TTC7B: variants seen among roughly 807,000 people sequenced by gnomAD.
TTC7B encodes the protein tetratricopeptide repeat domain 7B, also known as tetratricopeptide repeat protein 7B.
TTC7B carries 28 observed loss-of-function variants against 106.8 expected under a neutral mutation model. The ratio of observed to expected loss-of-function variants is 0.26; its 90% CI spans 0.19 to 0.36. The LOEUF is 0.36. TTC7B is among the 10% of genes least tolerant of loss of function. The probability of loss-of-function intolerance (pLI) is 1.00; values close to 1 mark genes in which losing one functional copy is unlikely to be tolerated. For missense variants in TTC7B, 862 were observed against 1,076.4 expected, an observed-to-expected ratio of 0.80 and a Z score of 2.79; for synonymous variants, 405 against 430.6, an observed-to-expected ratio of 0.94 and a Z score of 0.74.
At chr14:90,726,843 CT>C (rs1353134839) in intron 5 of TTC7B, among the ~76,000 whole-genome samples, 1 of 152,168 alleles carries the variant, frequency 6.6e-6, no homozygotes, top group Non-Finnish European at 1.5e-5. Context: ...CCTTAACAGG[CT>C]TGTTGCTGCC....
chr14:90,549,480 C>T (rs1889982514), intron 19 of TTC7B, among the ~76,000 whole-genome samples: 1 of 152,252 alleles, frequency 6.6e-6, no homozygotes, highest in Admixed American at 6.5e-5. Context: ...TGCTGCTGAG[C>T]TGGCTGTGGC....
intron 1 of TTC7B, among the ~76,000 whole-genome samples, chr14:90,799,021 C>T (rs12888742): frequency 0.51 from 78,066 of 151,970 alleles, 22,361 homozygotes; most frequent in Admixed American, 0.64. Flanking sequence ...GAGGGGTTCC[C>T]GTGGCTCAGT....
At chr14:90,648,324 A>C (rs968924297) in intron 13 of TTC7B, 1 of 151,924 alleles carries the variant, frequency 6.6e-6, no homozygotes, top group Non-Finnish European at 1.5e-5. Context: ...TGCCTGTGTT[A>C]CCCTTTTACA....
In TTC7B at chr14:90,541,603, A is replaced by T. The variant is rs771636606; in HGVS notation, c.2311-14T>A. 3 of 1,518,772 alleles carry T rather than the reference A, an allele frequency of 2.0e-6. No homozygotes were observed. Among genetic ancestry groups the T allele is most frequent in the Non-Finnish European group, 2.7e-6 (3 of 1,121,320 alleles). The allele number at this position is 1,518,772 out of a possible 1,614,324, so 94.1% of individuals were successfully genotyped here. On this transcript the variant is annotated splice_polypyrimidine_tract_variant and intron_variant, in intron 19 of 19. Transcript: ENST00000328459. ...AAGGATCAGGGCCTGGAGAGGTCAG[A>T]GAGAGAGAGAGACAGTCAGCCATGG...
At chr14:90,640,851 T>G (rs1164220023) in intron 15 of TTC7B, among the ~76,000 whole-genome samples, 1 of 152,224 alleles carries the variant, frequency 6.6e-6, no homozygotes, top group Non-Finnish European at 1.5e-5. Flanking sequence ...TTTAGTGACT[T>G]GCTCAAGGTC....
chr14:90,608,840 G>A lies in TTC7B; in HGVS notation c.1966+1902C>T, dbSNP rs1285331766. Among the ~76,000 whole-genome samples the A allele has an allele frequency of 6.6e-6, 1 of 152,150 alleles. No individual in the cohort carries two copies. Among genetic ancestry groups the A allele is most frequent in the Non-Finnish European group, 1.5e-5 (1 of 68,028 alleles). On this transcript the variant is annotated intron_variant, in intron 17 of 19. Transcript: ENST00000328459. This position sits in a 1 kb window ranked among gnomAD's most constrained non-coding sequence, Gnocchi z 5.1. ...AATGTGATGTGGCTTTAAAGTCTTGGGACCTCCAGGGAAATTAAGGTCCAG... is the reference window on the plus strand; with the variant it reads ...AATGTGATGTGGCTTTAAAGTCTTGAGACCTCCAGGGAAATTAAGGTCCAG...
chr14:90,541,224 G>T lies in TTC7B; in HGVS notation c.*144C>A. ...TGGCGAGAGCGATGATTCGGGGTTG[G>T]TTTGGTTGGTTCACTGTGGCCCACT... On this transcript the variant is annotated 3_prime_UTR_variant, in exon 20 of 20. Transcript: ENST00000328459. The T allele has an allele frequency of 1.5e-6, 1 of 677,878 alleles. No individual in the cohort carries two copies. The highest frequency in any genetic ancestry group is 2.3e-6 in the Non-Finnish European group (1 of 430,676). The allele number at this position is 677,878 out of a possible 1,614,324, so 42.0% of individuals were successfully genotyped here.
Position 90,813,194 on chromosome 14 carries a change from G to C in TTC7B, c.121+2981C>G, listed in dbSNP as rs375995504. Among the ~76,000 whole-genome samples the C allele has an allele frequency of 8.5e-5, 13 of 152,248 alleles. No individual in the cohort carries two copies. In the South Asian group the frequency reaches 2.7e-3, roughly 32 times the overall value. On this transcript the variant is annotated intron_variant, in intron 1 of 19. Transcript: ENST00000328459. ...TTTCAGGGCCACCCTATTTAAACTAGTAGTTCCTGCAACCCCCACTCCCAG... is the reference window on the plus strand; with the variant it reads ...TTTCAGGGCCACCCTATTTAAACTACTAGTTCCTGCAACCCCCACTCCCAG...
chr14:90,565,400 T>TTTTA (rs1890749408), intron 19 of TTC7B, among the ~76,000 whole-genome samples: 3 of 47,656 alleles, frequency 6.3e-5, no homozygotes, highest in Non-Finnish European at 1.7e-4. Context: ...CCTTTCTAGC[T>TTTTA]TTTTTTTTTT....
chr14:90,589,666 A>G (rs1321818095), intron 18 of TTC7B, among the ~76,000 whole-genome samples: 1 of 152,222 alleles, frequency 6.6e-6, no homozygotes, highest in Non-Finnish European at 1.5e-5. Context: ...ATGGCAAAAT[A>G]CTAGAGTGGG....
At chr14:90,676,848 G>A (rs569832592) in intron 8 of TTC7B, among the ~76,000 whole-genome samples, 188 bp from the exon 9 acceptor site, 102 of 152,190 alleles carry the variant, frequency 6.7e-4, no homozygotes, top group African/African-American at 2.2e-3. Context: ...CATGATATAC[G>A]GGATGATCCA....
chr14:90,541,771 A>G (rs1185701625), intron 19 of TTC7B, among the ~76,000 whole-genome samples, 182 bp from the exon 20 acceptor site: 1 of 152,248 alleles, frequency 6.6e-6, no homozygotes, highest in Non-Finnish European at 1.5e-5. Flanking sequence ...AATAGTCGCC[A>G]AGCTGACTAA....
intron 7 of TTC7B, among the ~76,000 whole-genome samples, chr14:90,685,188 T>C (rs899129241): frequency 7.2e-5 from 11 of 152,340 alleles, no homozygotes; most frequent in Admixed American, 5.2e-4. Context: ...ATCTCTGCCA[T>C]CTAAATTTTG....
At chr14:90,774,286 A>G (rs879475329) in intron 3 of TTC7B, among the ~76,000 whole-genome samples, 10 of 152,320 alleles carry the variant, frequency 6.6e-5, no homozygotes, top group Non-Finnish European at 1.5e-4. Context: ...GGAAGAATCC[A>G]TGTCTTTGAG....
chr14:90,541,622 GC>G, intron 19 of TTC7B, 33 bp from the exon 20 acceptor site: 1 of 1,498,972 alleles, frequency 6.7e-7, no homozygotes, highest in Non-Finnish European at 9.0e-7. Context: ...GAGACAGTCA[GC>G]CATGGAGGCT....
intron 1 of TTC7B, among the ~76,000 whole-genome samples, chr14:90,793,757 C>T (rs1891671217): frequency 2.0e-5 from 3 of 150,526 alleles, no homozygotes; most frequent in Admixed American, 2.0e-4. Flanking sequence ...TACAGGCATG[C>T]ACCACTATGC....
chr14:90,619,122 T>C lies in TTC7B; in HGVS notation c.1752-1077A>G, dbSNP rs138146454. Among the ~76,000 whole-genome samples the C allele has an allele frequency of 4.8e-3, 731 of 152,330 alleles. 3 individuals are homozygous for C. The highest frequency in any genetic ancestry group is 0.017 in the African/African-American group (691 of 41,580). ...TTTCACCATGTTGGCTAGACTGGTC[T>C]TGAGCTCCTGACCTCGTGATCCTCC... On this transcript the variant is annotated intron_variant, in intron 15 of 19. Transcript: ENST00000328459.
At chr14:90,689,987 C>T (rs990752474) in intron 6 of TTC7B, among the ~76,000 whole-genome samples, 2 of 152,216 alleles carry the variant, frequency 1.3e-5, no homozygotes, top group South Asian at 4.1e-4. Flanking sequence ...ATGTTTTATA[C>T]CTGAAACAAC....
chr14:90,814,141 C>A (rs2031050775), intron 1 of TTC7B, among the ~76,000 whole-genome samples: 1 of 152,180 alleles, frequency 6.6e-6, no homozygotes, highest in Non-Finnish European at 1.5e-5. Context: ...GACCCATGGA[C>A]CACAGTGCCC....
Sources: gnomAD v4.1 joint callset for allele counts (sites outside exome capture counted in the v4.1 genomes callset) on GRCh38, gnomAD v4.1.1 for gene constraint, Gnocchi (gnomAD v3.1) non-coding constraint, MANE v1.5 for transcripts, NCBI Gene and HGNC (gene_info 2026-07-23, HGNC 2026-07-21) for gene names.